BMP2K: variants seen among roughly 807,000 people sequenced by gnomAD.
The protein encoded by BMP2K is BMP-2-inducible protein kinase.
Under a neutral mutation model 116.0 loss-of-function variants are expected in BMP2K, and 74 were observed. That is an observed-to-expected ratio of 0.64 (90% CI 0.53 to 0.77). The LOEUF (loss-of-function observed/expected upper bound fraction) is 0.77. BMP2K is among the 30% of genes least tolerant of loss of function. The pLI is 0.00. For missense variants in BMP2K, 1,365 were observed against 1,403.6 expected (o/e 0.97, Z 0.44); for synonymous variants, 486 against 502.5 (o/e 0.97, Z 0.44).
chr4:78,883,776 G>A (rs1009606121), intron 14 of BMP2K, among the ~76,000 whole-genome samples: 1 of 152,108 alleles, frequency 6.6e-6, no homozygotes, highest in African/African-American at 2.4e-5. Context: ...TAAATACGTG[G>A]AGAGGGTCAG....
Position 78,865,563 on chromosome 4 carries a change from A to C in BMP2K, c.1074A>C (p.Thr358=). Residue 358 remains threonine (T), a synonymous_variant, in exon 10 of 16, where the codon ACA becomes ACC. Coordinates refer to ENST00000502613, the MANE Select transcript of BMP2K (RefSeq NM_198892.2). ...ARKSQIKARI[T]DTIGPTETSI... ...ATATATTCTTCTGTTGTAGAATAAC[A>C]GATACCATTGGACCAACAGAAACCT... 6.2e-7 allele frequency: 1 copy of C among 1,613,868 alleles called. No individual in the cohort carries two copies. Among genetic ancestry groups the C allele is most frequent in the Non-Finnish European group, 8.5e-7 (1 of 1,179,762 alleles).
chr4:78,787,705 T>G (rs1727795223), intron 1 of BMP2K, among the ~76,000 whole-genome samples: 1 of 152,094 alleles, frequency 6.6e-6, no homozygotes, highest in Admixed American at 6.5e-5. Flanking sequence ...ACTTTGGGGA[T>G]TCCTCTAACT....
At chr4:78,906,248 A>G (rs947519135) in intron 15 of BMP2K, 6 of 152,138 alleles carry the variant, frequency 3.9e-5, no homozygotes, top group Non-Finnish European at 7.4e-5. Context: ...AGTTTATAAC[A>G]GCAGTAAAAG....
chr4:78,842,901 G>A (rs1447037664), intron 4 of BMP2K, among the ~76,000 whole-genome samples: 3 of 151,958 alleles, frequency 2.0e-5, no homozygotes, highest in Admixed American at 6.6e-5. Flanking sequence ...TCAATATTAA[G>A]CATCAAAGTG....
intron 2 of BMP2K, among the ~76,000 whole-genome samples, chr4:78,829,013 T>C (rs1730020044): frequency 6.6e-6 from 1 of 152,188 alleles, no homozygotes; most frequent in Non-Finnish European, 1.5e-5. Context: ...CGGTAGGATA[T>C]AAATAACTCC....
chr4:78,824,201 T>C (rs541261361), intron 1 of BMP2K, among the ~76,000 whole-genome samples: 8 of 152,342 alleles, frequency 5.3e-5, no homozygotes, highest in African/African-American at 1.4e-4. Context: ...CAGTTTCTTA[T>C]AACTGGAAAT....
intron 1 of BMP2K, among the ~76,000 whole-genome samples, chr4:78,809,534 C>G (rs1396505607): frequency 6.6e-6 from 1 of 152,050 alleles, no homozygotes. Flanking sequence ...TGCACCACCA[C>G]ACCTGGCTAA....
chr4:78,788,153 ACT>A (rs1041750801), intron 1 of BMP2K, among the ~76,000 whole-genome samples: 5 of 151,380 alleles, frequency 3.3e-5, no homozygotes, highest in South Asian at 2.1e-4. Flanking sequence ...TGCATCACAG[ACT>A]CTCTTCCGTT....
chr4:78,837,641 C>T lies in BMP2K; in HGVS notation c.403+3954C>T, dbSNP rs1730551902. On this transcript the variant is annotated intron_variant, in intron 3 of 15. Transcript: ENST00000502613. ...TATTAATTTCAGTGTATCCATTTTT[C>T]TTTCTTTCCACCCCTGACCCTTCTT... Among the ~76,000 whole-genome samples, 7 of 152,118 alleles carry T rather than the reference C, an allele frequency of 4.6e-5. No homozygotes were observed. In the South Asian group the frequency reaches 1.2e-3, roughly 27 times the overall value.
At chr4:78,812,654 C>A (rs935226648) in intron 1 of BMP2K, among the ~76,000 whole-genome samples, 8 of 152,196 alleles carry the variant, frequency 5.3e-5, no homozygotes, top group Non-Finnish European at 1.2e-4. Context: ...TAATGCAACC[C>A]ACTGCATATG....
chr4:78,819,605 T>G (rs892367901), intron 1 of BMP2K, among the ~76,000 whole-genome samples: 4 of 152,188 alleles, frequency 2.6e-5, no homozygotes, highest in African/African-American at 4.8e-5. Context: ...ATAAGGAAAC[T>G]GGGGCTCAGA....
intron 1 of BMP2K, among the ~76,000 whole-genome samples, chr4:78,804,654 G>C (rs1050510389): frequency 2.0e-5 from 3 of 150,406 alleles, no homozygotes; most frequent in African/African-American, 7.3e-5. Context: ...TTATGGTTTT[G>C]ATTCATCAGT....
intron 14 of BMP2K, among the ~76,000 whole-genome samples, chr4:78,885,936 C>G (rs1733054638): frequency 6.6e-6 from 1 of 152,016 alleles, no homozygotes; most frequent in African/African-American, 2.4e-5. Flanking sequence ...CTCACTGTAG[C>G]CTCAATTTTT....
At chr4:78,812,449 C>T (rs1451953487) in intron 1 of BMP2K, among the ~76,000 whole-genome samples, 1 of 152,194 alleles carries the variant, frequency 6.6e-6, no homozygotes, top group African/African-American at 2.4e-5. Context: ...TTCACATCTC[C>T]TATTGGATGT....
At chr4:78,873,655 C>A (rs1192159867) in intron 13 of BMP2K, among the ~76,000 whole-genome samples, 1 of 131,924 alleles carries the variant, frequency 7.6e-6, no homozygotes, top group Admixed American at 7.9e-5. Context: ...TGCCTCCCAA[C>A]CTCTGTGTGT....
Position 78,872,624 on chromosome 4 carries a change from A to G in BMP2K, c.1619A>G (p.Tyr540Cys). 1.2e-6 allele frequency: 2 copies of G among 1,613,998 alleles called. No individual in the cohort carries two copies. The highest frequency in any genetic ancestry group is 1.7e-6 in the Non-Finnish European group (2 of 1,179,948). Residue 540 changes from tyrosine (Y) to cysteine (C), a missense_variant, in exon 13 of 16, where the codon TAT (tyrosine) becomes TGT (cysteine). Coordinates refer to ENST00000502613, the MANE Select transcript of BMP2K (RefSeq NM_198892.2). ...ASQYPTMMPQYQQAFFQQQML... is the reference protein window; with the variant it reads ...ASQYPTMMPQCQQAFFQQQML... ...CATTTCTTTTTTCAGATGCCGCAGTATCAGCAGGCTTTCTTTCAACAGCAG... is the reference window on the plus strand; with the variant it reads ...CATTTCTTTTTTCAGATGCCGCAGTGTCAGCAGGCTTTCTTTCAACAGCAG...
At chr4:78,828,732 A>G (rs1185639391) in intron 2 of BMP2K, among the ~76,000 whole-genome samples, 1 of 152,258 alleles carries the variant, frequency 6.6e-6, no homozygotes, top group Non-Finnish European at 1.5e-5. Flanking sequence ...TAAAATGTAC[A>G]ATAGCATTAT....
At chr4:78,833,976 T>G (rs1289585081) in intron 3 of BMP2K, among the ~76,000 whole-genome samples, 1 of 152,178 alleles carries the variant, frequency 6.6e-6, no homozygotes, top group African/African-American at 2.4e-5. Context: ...ATAGAATTCT[T>G]CTGTAATCCA....
chr4:78,822,531 T>A lies in BMP2K; in HGVS notation c.179-3506T>A, dbSNP rs1332901535. 2.0e-5 allele frequency among the ~76,000 whole-genome samples: 3 copies of A among 151,984 alleles called. No homozygotes were observed. In the East Asian group the frequency reaches 5.8e-4, roughly 29 times the overall value. Reference sequence around the variant, plus strand: ...TATTTCATCAGATCAATATCCCAGTTTATTTCATCAGATCAATTTCATCAG... The same window carrying A: ...TATTTCATCAGATCAATATCCCAGTATATTTCATCAGATCAATTTCATCAG... On this transcript the variant is annotated intron_variant, in intron 1 of 15. Transcript: ENST00000502613.
Sources: gnomAD v4.1 joint callset for allele counts (sites outside exome capture counted in the v4.1 genomes callset) on GRCh38, gnomAD v4.1.1 for gene constraint, MANE v1.5 for transcripts, NCBI Gene and HGNC (gene_info 2026-07-23, HGNC 2026-07-21) for gene names.